Variants in NETO2 observed in about 807,000 individuals in gnomAD.
The protein encoded by NETO2 is neuropilin and tolloid-like protein 2.
A neutral mutation model predicts 62.5 loss-of-function variants in NETO2; 28 were observed. The ratio of observed to expected loss-of-function variants is 0.45; its 90% CI spans 0.33 to 0.61. The LOEUF (loss-of-function observed/expected upper bound fraction) is 0.61. Among genes scored for constraint, NETO2 ranks in the 20% least tolerant of loss-of-function variants. The pLI is 0.02. For synonymous variants in NETO2, 214 were observed against 219.1 expected (o/e 0.98, Z 0.21); for missense variants, 548 against 643.2 (o/e 0.85, Z 1.60).
intron 7 of NETO2, among the ~76,000 whole-genome samples, chr16:47,093,480 C>A (rs537337188): frequency 6.6e-6 from 1 of 152,274 alleles, no homozygotes; most frequent in East Asian, 1.9e-4. Flanking sequence ...TCACTATTTG[C>A]CTAGGTCACC....
At chr16:47,121,236 C>T (rs1457595330) in intron 6 of NETO2, among the ~76,000 whole-genome samples, 1 of 152,156 alleles carries the variant, frequency 6.6e-6, no homozygotes, top group Middle Eastern at 3.2e-3. Flanking sequence ...GGAACTCCTT[C>T]CTGTGTGTTA....
rs116619314 is a variant in NETO2 at position 47,093,466 on chromosome 16, A to G, written c.884-7127T>C. ...GGGTCTTCGTCACGGTCAATCCTAC[A>G]CTGTCACTATTTGCCTAGGTCACCT... On this transcript the variant is annotated intron_variant, in intron 7 of 8. Coordinates refer to ENST00000562435, the MANE Select transcript of NETO2 (RefSeq NM_018092.5). 7.1e-3 allele frequency among the ~76,000 whole-genome samples: 1,079 copies of G among 152,288 alleles called. 14 individuals are homozygous for G. The highest frequency in any genetic ancestry group is 0.025 in the African/African-American group (1,034 of 41,548).
chr16:47,118,292 C>T (rs1163089755), intron 6 of NETO2, among the ~76,000 whole-genome samples: 1 of 152,166 alleles, frequency 6.6e-6, no homozygotes, highest in African/African-American at 2.4e-5. Context: ...GTGGTTTATA[C>T]TGTAACATGG....
chr16:47,089,923 A>G (rs1370538519), intron 7 of NETO2, among the ~76,000 whole-genome samples: 1 of 152,192 alleles, frequency 6.6e-6, no homozygotes, highest in Non-Finnish European at 1.5e-5. Flanking sequence ...CATACAATAT[A>G]ATTGTATATT....
Position 47,080,382 on chromosome 16 carries a change from CG to C in NETO2, c.*2838del, listed in dbSNP as rs1376064998. ...CTGGGACACTGTGTGGGGTACCCTG[CG>C]TGACAGTTAATACTGTGTAATGAAT... On this transcript the variant is annotated 3_prime_UTR_variant, in exon 9 of 9. Coordinates refer to ENST00000562435, the MANE Select transcript of NETO2 (RefSeq NM_018092.5). 1 of 152,132 alleles carries C rather than the reference CG, an allele frequency of 6.6e-6. No homozygotes were observed. Among genetic ancestry groups the C allele is most frequent in the African/African-American group, 2.4e-5 (1 of 41,434 alleles). The allele number at this position is 152,132 out of a possible 1,614,324, so 9.4% of individuals were successfully genotyped here. A position where few individuals can be genotyped will look rare whatever the true frequency, so the allele number is the denominator to read the frequency against.
In NETO2 at chr16:47,123,011, A is replaced by G. The variant is rs149601829; in HGVS notation, c.482-99T>C. 6.0e-4 allele frequency: 699 copies of G among 1,170,564 alleles called. 3 individuals are homozygous for G. The African/African-American group carries it at 9.7e-3, about 16-fold the overall frequency. The allele number at this position is 1,170,564 out of a possible 1,614,324, so 72.5% of individuals were successfully genotyped here. A position where few individuals can be genotyped will look rare whatever the true frequency, so the allele number is the denominator to read the frequency against. On this transcript the variant is annotated intron_variant, in intron 4 of 8. Coordinates refer to ENST00000562435, the MANE Select transcript of NETO2 (RefSeq NM_018092.5). Reference sequence around the variant, plus strand: ...TAACGTTCCATTTCATAGCAAGGTAAGAGAAGCTTTCATTGGTGAAAACTA... The same window carrying G: ...TAACGTTCCATTTCATAGCAAGGTAGGAGAAGCTTTCATTGGTGAAAACTA...
intron 1 of NETO2, among the ~76,000 whole-genome samples, chr16:47,134,825 C>T (rs371627053): frequency 5.8e-4 from 88 of 152,304 alleles, no homozygotes; most frequent in Non-Finnish European, 9.7e-4. Context: ...TATAAAATAA[C>T]TGCTTTATGA....
chr16:47,099,507 C>T (rs536527249), intron 7 of NETO2, among the ~76,000 whole-genome samples: 10 of 152,242 alleles, frequency 6.6e-5, no homozygotes, highest in Non-Finnish European at 1.0e-4. Flanking sequence ...AATTAAAAGA[C>T]GCAGACTGGC....
chr16:47,084,089 T>C (rs1399045183), intron 8 of NETO2, among the ~76,000 whole-genome samples: 1 of 152,176 alleles, frequency 6.6e-6, no homozygotes, highest in East Asian at 1.9e-4. Flanking sequence ...TATACAAATA[T>C]AGACTATGCC....
chr16:47,125,816 G>A (rs954396796), intron 4 of NETO2, among the ~76,000 whole-genome samples: 3 of 152,104 alleles, frequency 2.0e-5, no homozygotes, highest in African/African-American at 7.2e-5. Context: ...TCAGCCTCCC[G>A]AGTAGCTGGA....
intron 8 of NETO2, among the ~76,000 whole-genome samples, chr16:47,085,762 G>C (rs1194601358): frequency 2.6e-5 from 4 of 152,030 alleles, no homozygotes; most frequent in Non-Finnish European, 5.9e-5. Flanking sequence ...CCACATCCCA[G>C]GTCTATGATC....
At chr16:47,117,701 T>C (rs1963951012) in intron 6 of NETO2, among the ~76,000 whole-genome samples, 1 of 152,196 alleles carries the variant, frequency 6.6e-6, no homozygotes, top group Non-Finnish European at 1.5e-5. Flanking sequence ...CTTAAAAAAT[T>C]AGTTTATTTC....
At chr16:47,110,932 C>G (rs536967538) in intron 6 of NETO2, among the ~76,000 whole-genome samples, 1 of 152,142 alleles carries the variant, frequency 6.6e-6, no homozygotes, top group Non-Finnish European at 1.5e-5. Flanking sequence ...TTCACCACTT[C>G]CGTGAGAATG....
intron 7 of NETO2, among the ~76,000 whole-genome samples, chr16:47,101,324 T>A (rs1157370501): frequency 6.6e-6 from 1 of 152,142 alleles, no homozygotes; most frequent in Non-Finnish European, 1.5e-5. Flanking sequence ...CCACAGCCAA[T>A]ATCATACTGA....
intron 6 of NETO2, among the ~76,000 whole-genome samples, chr16:47,118,720 A>C (rs1279006944): frequency 6.6e-6 from 1 of 152,168 alleles, no homozygotes. Context: ...TAACCTAGCC[A>C]ATCTTATTTT....
At chr16:47,091,107 A>G (rs1184190594) in intron 7 of NETO2, among the ~76,000 whole-genome samples, 1 of 152,226 alleles carries the variant, frequency 6.6e-6, no homozygotes, top group African/African-American at 2.4e-5. Context: ...TTCCAAATGG[A>G]GGTTTTTCAA....
intron 6 of NETO2, among the ~76,000 whole-genome samples, chr16:47,111,669 T>C (rs1446924915): frequency 3.3e-5 from 5 of 152,168 alleles, no homozygotes; most frequent in Non-Finnish European, 7.4e-5. Context: ...TTTGGTTTCT[T>C]TTTCCCTCCC....
chr16:47,121,522 C>G (rs542205401), intron 6 of NETO2, among the ~76,000 whole-genome samples: 1 of 152,286 alleles, frequency 6.6e-6, no homozygotes, highest in South Asian at 2.1e-4. Flanking sequence ...CTAGGGGGGA[C>G]CCCAGCCTCA....
chr16:47,132,123 A>G (rs902641719), intron 1 of NETO2, 98 bp from the exon 2 acceptor site: 2 of 917,806 alleles, frequency 2.2e-6, no homozygotes, highest in African/African-American at 3.3e-5. Flanking sequence ...AGATTAACTA[A>G]AATCACTATT....
Sources: allele counts gnomAD v4.1 joint callset (sites outside exome capture counted in the v4.1 genomes callset), GRCh38; gene constraint gnomAD v4.1.1; transcripts MANE v1.5; gene names NCBI Gene and HGNC (gene_info 2026-07-23, HGNC 2026-07-21).